Variants in TRMT11 observed in about 807,000 individuals in gnomAD.
TRMT11 encodes tRNA (guanine(10)-N(2))-methyltransferase TRMT11.
A neutral mutation model predicts 62.8 loss-of-function variants in TRMT11; 53 were observed. The observed-to-expected ratio is 0.84, with a 90% confidence interval of 0.68 to 1.06. The LOEUF (loss-of-function observed/expected upper bound fraction) is 1.06, where lower values mean the gene tolerates loss of function less well. Among genes scored for constraint, TRMT11 ranks in the 50% least tolerant of loss-of-function variants. TRMT11 has a pLI of 0.00. For synonymous variants in TRMT11, 188 were observed against 190.3 expected (o/e 0.99, Z 0.10); for missense variants, 556 against 553.4 (o/e 1.00, Z -0.05).
At chr6:126,124,790 A>G (rs768174077) in intron 21 of TRMT11, among the ~76,000 whole-genome samples, 5 of 152,122 alleles carry the variant, frequency 3.3e-5, no homozygotes, top group Non-Finnish European at 5.9e-5. Flanking sequence ...GCCAATCTTC[A>G]GCTAACACCA....
chr6:126,021,260 G>A lies in TRMT11; in HGVS notation c.1240G>A (p.Glu414Lys), dbSNP rs1163079695. The change falls in exon 12 of 13, where the codon GAA becomes AAA. Residue 414 changes from glutamate to lysine, a missense_variant. Glu to Lys is a moderately conservative substitution (Grantham distance 56). Coordinates refer to ENST00000334379, the MANE Select transcript of TRMT11 (RefSeq NM_001031712.3). ...SHTSRRLITM[E>K]KVKKFENRDQ... The stretch of plus-strand genomic sequence containing the variant: ...CACATCAAGGCGCTTGATCACAATG[G>A]AAAAGGTGAAGAAATTTGAGGTAAA... The A allele has an allele frequency of 6.2e-7, 1 of 1,613,924 alleles. No individual in the cohort carries two copies.
At position 126,180,162 on chromosome 6, in the gene TRMT11, C is replaced by A. The variant is rs1012222075; in HGVS notation, n.143+2827C>A. Among the ~76,000 whole-genome samples, 6 of 152,032 alleles carry A rather than the reference C, an allele frequency of 3.9e-5. No individual in the cohort carries two copies. The South Asian group carries it at 1.2e-3, about 32-fold the overall frequency. On this transcript the variant is annotated intron_variant and non_coding_transcript_variant, in intron 1 of 3. Coordinates refer to the TRMT11 transcript ENST00000444229. ...TCATTGTATTTTTTGATCATTGACT[C>A]GTGAGGTTATATTTTCAGAAATATT...
Position 126,151,943 on chromosome 6 carries a change from C to CTTTTTCTTTCTTTCTTTCTTTCT in TRMT11, c.*1824-22878_*1824-22877insTCTTTCTTTCTTTCTTTCTTTTT, listed in dbSNP as rs71024744. 9.1e-4 allele frequency among the ~76,000 whole-genome samples: 31 copies of CTTTTTCTTTCTTTCTTTCTTTCT among 33,924 alleles called. 2 individuals carry two copies. Among genetic ancestry groups the CTTTTTCTTTCTTTCTTTCTTTCT allele is most frequent in the African/African-American group, 3.0e-3 (28 of 9,332 alleles). 22.3% of individuals were successfully genotyped at this position (33,924 alleles called of 152,430 possible). A position where few individuals can be genotyped will look rare whatever the true frequency, so the allele number is the denominator to read the frequency against. ...TCTTTCTTTCTTTCTTTCTTTCTTT[C>CTTTTTCTTTCTTTCTTTCTTTCT]TTTTCTTTCTTTCTTTTCTTTCTTT... is the stretch of plus-strand genomic sequence containing the variant. On this transcript the variant is annotated intron_variant and NMD_transcript_variant, in intron 21 of 22. Transcript: ENST00000648977.
chr6:125,992,385 A>G (rs1460160114), intron 1 of TRMT11, among the ~76,000 whole-genome samples: 1 of 152,238 alleles, frequency 6.6e-6, no homozygotes, highest in Non-Finnish European at 1.5e-5. Context: ...TGACTTTACA[A>G]TATGCTTTAA....
intron 17 of TRMT11, among the ~76,000 whole-genome samples, chr6:126,099,917 C>G (rs886434215): frequency 2.3e-4 from 35 of 152,120 alleles, no homozygotes; most frequent in African/African-American, 8.2e-4. Flanking sequence ...CTGCACCAGA[C>G]TGGGTGTGGA....
At chr6:126,060,960 G>A (rs1776519422) in intron 17 of TRMT11, among the ~76,000 whole-genome samples, 1 of 152,350 alleles carries the variant, frequency 6.6e-6, no homozygotes, top group Non-Finnish European at 1.5e-5. Context: ...GGAGTGGGCA[G>A]TTTCAACTTC....
chr6:126,102,589 A>G (rs1244255159), intron 17 of TRMT11, among the ~76,000 whole-genome samples: 1 of 149,240 alleles, frequency 6.7e-6, no homozygotes, highest in East Asian at 2.0e-4. Context: ...TTATTGTCGT[A>G]AAAGTGCCTA....
At chr6:126,104,616 T>A (rs1777442687) in intron 17 of TRMT11, among the ~76,000 whole-genome samples, 1 of 152,236 alleles carries the variant, frequency 6.6e-6, no homozygotes, top group Non-Finnish European at 1.5e-5. Flanking sequence ...AAGACCTCAC[T>A]GAAGGAAGGG....
At chr6:126,188,996 GA>G (rs201017082) in intron 1 of TRMT11, among the ~76,000 whole-genome samples, 4 of 150,614 alleles carry the variant, frequency 2.7e-5, no homozygotes, top group South Asian at 4.2e-4. Flanking sequence ...TCTCCTAATT[GA>G]AAAAAAAATC....
intron 17 of TRMT11, among the ~76,000 whole-genome samples, chr6:126,097,550 T>C (rs935321361): frequency 6.6e-6 from 1 of 152,208 alleles, no homozygotes; most frequent in African/African-American, 2.4e-5. Context: ...ATTTTTATTT[T>C]ATTGCATGCA....
At chr6:126,061,395 T>C (rs905193112) in intron 17 of TRMT11, among the ~76,000 whole-genome samples, 8 of 152,154 alleles carry the variant, frequency 5.3e-5, no homozygotes, top group African/African-American at 1.9e-4. Flanking sequence ...GTTATTTAGG[T>C]GAATTATTTG....
chr6:126,061,048 G>C (rs1776521774), intron 17 of TRMT11, among the ~76,000 whole-genome samples: 1 of 152,206 alleles, frequency 6.6e-6, no homozygotes, highest in Non-Finnish European at 1.5e-5. Flanking sequence ...GAGAAGTACA[G>C]TGGCTAAAAG....
the TRMT11 span, among the ~76,000 whole-genome samples, chr6:126,271,722 G>T: frequency 4.6e-5 from 7 of 152,174 alleles, no homozygotes; most frequent in Admixed American, 1.3e-4. Context: ...AAGGAGTTAA[G>T]TAAAGGGAGG....
At chr6:126,058,996 A>G (rs1435816631) in intron 17 of TRMT11, among the ~76,000 whole-genome samples, 1 of 151,180 alleles carries the variant, frequency 6.6e-6, no homozygotes, top group Non-Finnish European at 1.5e-5. Flanking sequence ...CTGGAGACTG[A>G]ATCGAAGAAT....
At chr6:126,249,408 C>T in the TRMT11 span, among the ~76,000 whole-genome samples, 3 of 152,168 alleles carry the variant, frequency 2.0e-5, no homozygotes, top group South Asian at 2.1e-4. Context: ...TCCAATCACA[C>T]TACTTGATTC....
intron 21 of TRMT11, among the ~76,000 whole-genome samples, chr6:126,140,711 A>T (rs925507088): frequency 1.3e-5 from 2 of 152,056 alleles, no homozygotes; most frequent in Non-Finnish European, 2.9e-5. Context: ...AAATTGTTCT[A>T]CTTGACAAGT....
intron 1 of TRMT11, among the ~76,000 whole-genome samples, chr6:126,182,994 T>G (rs980694220): frequency 7.9e-5 from 12 of 151,972 alleles, no homozygotes; most frequent in Middle Eastern, 3.4e-3. Flanking sequence ...TACAGGGAGG[T>G]GAGGTTTGTG....
chr6:126,167,467 A>G (rs567103842), intron 21 of TRMT11, among the ~76,000 whole-genome samples: 1 of 152,296 alleles, frequency 6.6e-6, no homozygotes, highest in East Asian at 1.9e-4. Flanking sequence ...AGTCCCAATG[A>G]GACGAAGTGG....
intron 17 of TRMT11, among the ~76,000 whole-genome samples, chr6:126,063,048 G>T (rs1310359698): frequency 1.3e-5 from 2 of 151,792 alleles, no homozygotes; most frequent in Non-Finnish European, 2.9e-5. Flanking sequence ...AATAATAAAG[G>T]GTATATATCA....
Sources: gnomAD v4.1 joint callset for allele counts (sites outside exome capture counted in the v4.1 genomes callset) on GRCh38, gnomAD v4.1.1 for gene constraint, MANE v1.5 for transcripts, NCBI Gene and HGNC (gene_info 2026-07-23, HGNC 2026-07-21) for gene names.